Variants in CNGB3 observed in about 807,000 individuals in gnomAD.
The protein encoded by CNGB3 is cyclic nucleotide gated channel subunit beta 3, also known as cyclic nucleotide-gated channel beta-3.
A neutral mutation model predicts 92.8 loss-of-function variants in CNGB3; 86 were observed. The ratio of observed to expected loss-of-function variants is 0.93; its 90% CI spans 0.78 to 1.11. The LOEUF is 1.11. CNGB3 is among the 50% of genes least tolerant of loss of function. CNGB3 has a pLI of 0.00. For missense variants in CNGB3, 1,026 were observed against 956.8 expected (o/e 1.07, Z -0.95); for synonymous variants, 333 against 332.7 (o/e 1.00, Z -0.01).
intron 3 of CNGB3, among the ~76,000 whole-genome samples, chr8:86,702,129 G>T (rs1824569310): frequency 6.6e-6 from 1 of 152,156 alleles, no homozygotes; most frequent in African/African-American, 2.4e-5. Context: ...ATAGCACATT[G>T]GAAAGTAACT....
At chr8:86,667,286 A>T (rs1161898982) in intron 5 of CNGB3, among the ~76,000 whole-genome samples, 153 bp from the exon 6 acceptor site, 1 of 152,158 alleles carries the variant, frequency 6.6e-6, no homozygotes, top group Admixed American at 6.5e-5. Flanking sequence ...CTGCCTCTGG[A>T]CTGTGAGGCT....
rs1355779344 is a variant in CNGB3, at chr8:86,578,686, T to C, written c.2103+3A>G. ...CAGCCGTCCATTCACTCCACCTTAT[T>C]ACCTGAGCTGCTTGCTCTCGCTTCA... On this transcript the variant is annotated splice_donor_region_variant and intron_variant, in intron 17 of 17. Coordinates refer to ENST00000320005, the MANE Select transcript of CNGB3 (RefSeq NM_019098.5). 1.2e-6 allele frequency: 2 copies of C among 1,613,682 alleles called. No individual in the cohort carries two copies. The highest frequency in any genetic ancestry group is 1.7e-6 in the Non-Finnish European group (2 of 1,180,006).
At chr8:86,722,342 A>G (rs1204991713) in intron 3 of CNGB3, among the ~76,000 whole-genome samples, 2 of 152,190 alleles carry the variant, frequency 1.3e-5, no homozygotes, top group African/African-American at 4.8e-5. Flanking sequence ...TTTTCTTGGT[A>G]ATGGACAAAT....
chr8:86,635,857 T>C (rs867015886), intron 10 of CNGB3, among the ~76,000 whole-genome samples: 9 of 77,368 alleles, frequency 1.2e-4, no homozygotes, highest in African/African-American at 2.0e-4. Context: ...TATATATATA[T>C]ATATATACAC....
In CNGB3 at chr8:86,576,168, G is replaced by A. The variant is rs371276080; in HGVS notation, c.2104-38C>T. On this transcript the variant is annotated intron_variant, in intron 17 of 17. Coordinates refer to ENST00000320005, the MANE Select transcript of CNGB3 (RefSeq NM_019098.5). ...ATTACAAAGAACTGGTGTTGAAATC[G>A]TAATTAAAAACATTGGATTAGATTT... 7.8e-5 allele frequency: 124 copies of A among 1,593,820 alleles called. 1 individual carries two copies. The highest frequency in any genetic ancestry group is 2.2e-4 in the East Asian group (10 of 44,776).
intron 3 of CNGB3, among the ~76,000 whole-genome samples, chr8:86,719,807 C>A (rs897539024): frequency 2.0e-5 from 3 of 152,122 alleles, no homozygotes; most frequent in African/African-American, 4.8e-5. Context: ...GCATATAGAC[C>A]AACTGAACTG....
intron 13 of CNGB3, among the ~76,000 whole-genome samples, chr8:86,618,216 T>C (rs1035980640): frequency 6.6e-6 from 1 of 152,170 alleles, no homozygotes; most frequent in Non-Finnish European, 1.5e-5. Flanking sequence ...ATGAAGCTGC[T>C]CTCACTGACC....
At chr8:86,620,140 T>C (rs1474298169) in intron 13 of CNGB3, among the ~76,000 whole-genome samples, 1 of 152,190 alleles carries the variant, frequency 6.6e-6, no homozygotes, top group African/African-American at 2.4e-5. Context: ...AAAGCCGTGC[T>C]CAAACTGTCC....
At chr8:86,584,340 T>C (rs955234578) in intron 15 of CNGB3, among the ~76,000 whole-genome samples, 3 of 152,204 alleles carry the variant, frequency 2.0e-5, no homozygotes, top group African/African-American at 2.4e-5. Flanking sequence ...CTGGATGGGA[T>C]TGGGGAGGTT....
intron 3 of CNGB3, among the ~76,000 whole-genome samples, chr8:86,690,102 G>C (rs1824278878): frequency 6.6e-6 from 1 of 152,142 alleles, no homozygotes; most frequent in Non-Finnish European, 1.5e-5. Context: ...TGGGTCAAAT[G>C]GTATTTCTAG....
At chr8:86,679,501 G>T (rs1249497842) in intron 3 of CNGB3, among the ~76,000 whole-genome samples, 9 of 150,420 alleles carry the variant, frequency 6.0e-5, no homozygotes, top group African/African-American at 2.2e-4. Context: ...TAGGATTGGT[G>T]TCCTTTTTCT....
At chr8:86,699,442 G>GGTAC (rs1422655808) in intron 3 of CNGB3, among the ~76,000 whole-genome samples, 1 of 152,050 alleles carries the variant, frequency 6.6e-6, no homozygotes, top group African/African-American at 2.4e-5. Flanking sequence ...TTTGAGACCA[G>GGTAC]CCTGGGCAAC....
chr8:86,741,940 A>G (rs1032777424), intron 1 of CNGB3, among the ~76,000 whole-genome samples: 2 of 152,188 alleles, frequency 1.3e-5, no homozygotes, highest in African/African-American at 2.4e-5. Flanking sequence ...TTTGAGCAGT[A>G]TAGCCTAGTG....
intron 15 of CNGB3, among the ~76,000 whole-genome samples, chr8:86,599,439 G>A (rs1043156433): frequency 8.5e-5 from 13 of 152,212 alleles, no homozygotes; most frequent in African/African-American, 3.1e-4. Flanking sequence ...TAACAGCAAT[G>A]TTCAGGGAAC....
At chr8:86,702,606 A>C (rs1824575557) in intron 3 of CNGB3, among the ~76,000 whole-genome samples, 1 of 152,076 alleles carries the variant, frequency 6.6e-6, no homozygotes, top group Non-Finnish European at 1.5e-5. Context: ...TGTTTATTTT[A>C]TCTCCCCTTC....
chr8:86,658,848 A>G (rs542974548), intron 6 of CNGB3: 9 of 640,508 alleles, frequency 1.4e-5, no homozygotes, highest in African/African-American at 7.2e-5. Context: ...GTCATTCTGC[A>G]TGGTCTCCAG....
chr8:86,593,146 C>T (rs1822083613), intron 15 of CNGB3, among the ~76,000 whole-genome samples: 1 of 152,136 alleles, frequency 6.6e-6, no homozygotes, highest in South Asian at 2.1e-4. Flanking sequence ...TTAGATATTA[C>T]AGATATAAAA....
chr8:86,704,247 A>T (rs997101324), intron 3 of CNGB3: 1 of 152,286 alleles, frequency 6.6e-6, no homozygotes, highest in Non-Finnish European at 1.5e-5. Flanking sequence ...GAAGTGGATC[A>T]TCAGAAAGGT....
rs1046916044 is a variant in CNGB3 at position 86,680,827 on chromosome 8, C to T, written c.339-9729G>A. Among the ~76,000 whole-genome samples, 8 of 152,112 alleles carry T rather than the reference C, an allele frequency of 5.3e-5. No individual in the cohort carries two copies. In the East Asian group the frequency reaches 5.8e-4, roughly 11 times the overall value. On this transcript the variant is annotated intron_variant, in intron 3 of 17. Transcript: ENST00000320005. ...TGGAGTGAGAGGAGGTTGTGGGACT[C>T]ATCTTCCCCAGGTGTAGGCAATAAA...
Sources: gnomAD v4.1 joint callset for allele counts (sites outside exome capture counted in the v4.1 genomes callset) on GRCh38, gnomAD v4.1.1 for gene constraint, MANE v1.5 for transcripts, NCBI Gene and HGNC (gene_info 2026-07-23, HGNC 2026-07-21) for gene names.